Variants in ZZEF1 observed in about 807,000 individuals in gnomAD.
ZZEF1 encodes the protein zinc finger ZZ-type and EF-hand domain containing 1.
ZZEF1 carries 157 observed loss-of-function variants against 342.8 expected under a neutral mutation model. The observed-to-expected ratio is 0.46, with a 90% CI of 0.40 to 0.52. The LOEUF is 0.52. Ranked by LOEUF, ZZEF1 falls within the 20% of genes least tolerant of loss-of-function variation. The pLI, the probability that ZZEF1 is intolerant of heterozygous loss-of-function variation, is 0.00. For missense variants in ZZEF1, 3,480 were observed against 3,725.6 expected (o/e 0.93, Z 1.72); for synonymous variants, 1,505 against 1,429.1 (o/e 1.05, Z -1.20).
chr17:4,061,492 T>C (rs2057285737), intron 30 of ZZEF1, among the ~76,000 whole-genome samples: 1 of 152,138 alleles, frequency 6.6e-6, no homozygotes, highest in African/African-American at 2.4e-5. Context: ...CCAAATTCTA[T>C]CCCTAGTCCT....
chr17:4,050,885 T>A lies in ZZEF1; in HGVS notation c.5759A>T (p.Asp1920Val), dbSNP rs755377536. The A allele has an allele frequency of 6.2e-7, 1 of 1,614,196 alleles. No homozygotes were observed. The highest frequency in any genetic ancestry group is 8.5e-7 in the Non-Finnish European group (1 of 1,180,030). The part of the protein sequence containing the change: ...SAHLASAEDV[D>V]GEKLDPQTRS... ...CGTCTGGGGGTCCAGCTTCTCCCCA[T>A]CCACATCCTCTGCACTGGCCAGGTG... The change falls in exon 36 of 55, where the codon GAT (aspartate) becomes GTT (valine). Residue 1920 changes from aspartate to valine, a missense_variant. By Grantham distance (152) the Asp-to-Val change is radical. Coordinates refer to ENST00000381638, the MANE Select transcript of ZZEF1 (RefSeq NM_015113.4).
At chr17:4,039,505 G>T (rs761518472) in intron 39 of ZZEF1, among the ~76,000 whole-genome samples, 6 of 151,056 alleles carry the variant, frequency 4.0e-5, no homozygotes, top group Non-Finnish European at 7.4e-5. Context: ...AATCCGCCCT[G>T]CATCCAGGAG....
In ZZEF1 at chr17:4,095,987, CAG is replaced by C. The variant is rs779414486; in HGVS notation, c.1765-10_1765-9del. ...AATGCCACCACGTCGAACCTGGAAA[CAG>C]AGATTAGGATGAAGTCTATCAAAGG... On this transcript the variant is annotated splice_polypyrimidine_tract_variant and intron_variant, in intron 10 of 54. Transcript: ENST00000381638. 48 of 1,605,758 alleles carry C rather than the reference CAG, an allele frequency of 3.0e-5. No individual in the cohort carries two copies. Among genetic ancestry groups the C allele is most frequent in the Non-Finnish European group, 4.1e-5 (48 of 1,175,426 alleles).
rs1413955261 is a variant in ZZEF1, at chr17:4,006,789, G to A, written c.*101C>T. ...AACTGGAGTGGTCAGCTCAAGGAGA[G>A]CTGGGCACTGGCGCTACAGGAGTTT... On this transcript the variant is annotated 3_prime_UTR_variant, in exon 55 of 55. Transcript: ENST00000381638. The A allele has an allele frequency of 1.6e-6, 2 of 1,287,704 alleles. No homozygotes were observed. Among genetic ancestry groups the A allele is most frequent in the Non-Finnish European group, 2.2e-6 (2 of 908,508 alleles). The allele number at this position is 1,287,704 out of a possible 1,614,324, so 79.8% of individuals were successfully genotyped here.
Position 4,077,972 on chromosome 17 carries a change from A to T in ZZEF1, c.2900T>A (p.Val967Asp), listed in dbSNP as rs1408189000. The change falls in exon 19 of 55, where the codon GTC becomes GAC. Residue 967 changes from valine to aspartate, a missense_variant. Transcript: ENST00000381638. ...GSVLFSLFWSVQGSLLSWCYL... is the reference protein window; with the variant it reads ...GSVLFSLFWSDQGSLLSWCYL... ...GCACCAGGATAGCAGGCTGCCTTGG[A>T]CGGACCAGAACAGGGAGAAGAGCAC... 6.2e-7 allele frequency: 1 copy of T among 1,614,164 alleles called. No individual in the cohort carries two copies. The highest frequency in any genetic ancestry group is 1.3e-5 in the African/African-American group (1 of 75,044).
chr17:4,102,441 C>A (rs750385267), intron 8 of ZZEF1, 26 bp from the exon 9 acceptor site: 2 of 1,598,922 alleles, frequency 1.3e-6, no homozygotes, highest in East Asian at 4.5e-5. Context: ...GAAGACCAAG[C>A]TGTAAGCTAA....
chr17:4,023,693 T>C (rs1037160756), intron 43 of ZZEF1, among the ~76,000 whole-genome samples: 1 of 146,916 alleles, frequency 6.8e-6, no homozygotes, highest in African/African-American at 2.5e-5. Flanking sequence ...CTGGGCATGA[T>C]AGTGCATGCC....
chr17:4,024,050 T>A (rs9906001), intron 43 of ZZEF1, among the ~76,000 whole-genome samples: 4,459 of 152,200 alleles, frequency 0.029, 233 homozygotes, highest in African/African-American at 0.1. Flanking sequence ...TTCATGGATA[T>A]CCTCTGTTGG....
intron 1 of ZZEF1, 98 bp downstream of exon 1, chr17:4,142,444 C>T: frequency 7.8e-7 from 1 of 1,290,296 alleles, no homozygotes; most frequent in East Asian, 2.6e-5. Flanking sequence ...TCATATGGGT[C>T]CCCGCCTGGC....
rs1183849701 is a variant in ZZEF1 at position 4,022,694 on chromosome 17, C to T, written c.7212+15G>A. 3.1e-6 allele frequency: 5 copies of T among 1,613,308 alleles called. No individual in the cohort carries two copies. The highest frequency in any genetic ancestry group is 1.7e-4 in the Middle Eastern group (1 of 6,026). On this transcript the variant is annotated intron_variant, in intron 44 of 54. Coordinates refer to ENST00000381638, the MANE Select transcript of ZZEF1 (RefSeq NM_015113.4). ...GCACCAGGAAAGAGGAGCAGGAGTCCCTCTCGTCTCTTACTTCCAGGTCCC... is the reference window on the plus strand; with the variant it reads ...GCACCAGGAAAGAGGAGCAGGAGTCTCTCTCGTCTCTTACTTCCAGGTCCC...
chr17:4,006,607 C>G lies in ZZEF1; in HGVS notation c.*283G>C. On this transcript the variant is annotated 3_prime_UTR_variant, in exon 55 of 55. Transcript: ENST00000381638. The stretch of plus-strand genomic sequence containing the variant: ...GGCCCACGGCTCCTGCAGTGACAGC[C>G]TCTGGAGAAGGCTGGTCTCTGAACC... 1 of 461,296 alleles carries G rather than the reference C, an allele frequency of 2.2e-6. No homozygotes were observed. The highest frequency in any genetic ancestry group is 2.2e-5 in the South Asian group (1 of 46,508). 28.6% of individuals were successfully genotyped at this position (461,296 alleles called of 1,614,324 possible).
chr17:4,014,350 G>T lies in ZZEF1; in HGVS notation c.8311C>A (p.Pro2771Thr), dbSNP rs1285827788. The T allele has an allele frequency of 6.2e-7, 1 of 1,614,152 alleles. No individual in the cohort carries two copies. Among genetic ancestry groups the T allele is most frequent in the Non-Finnish European group, 8.5e-7 (1 of 1,180,026 alleles). Residue 2771 changes from proline (P) to threonine (T), a missense_variant, in exon 50 of 55, where the codon CCA becomes ACA. Around this residue, in one of 5 missense-constraint regions of ZZEF1, gnomAD observed 1,269 missense variants for 1,342.4 expected, o/e 0.95. Transcript: ENST00000381638. This position sits in a 1 kb window ranked among gnomAD's most constrained non-coding sequence, Gnocchi z 4.4. ...AATCGAGTATTTGTTTCACTACCTG[G>T]AAGTTCAAAATCTTTCCACTTCTGC... ...SQQKWKDFEL[P>T]GDTLYYRFTS...
At chr17:4,092,860 T>C (rs1252814876) in intron 11 of ZZEF1, among the ~76,000 whole-genome samples, 2 of 151,340 alleles carry the variant, frequency 1.3e-5, no homozygotes, top group Non-Finnish European at 2.9e-5. Flanking sequence ...GTAGGCAAGA[T>C]GGAAGACAGA....
Position 4,142,818 on chromosome 17 carries a change from G to A in ZZEF1, c.78C>T (p.Asp26=), listed in dbSNP as rs1219361093. ...AGGEGWGPHQ[D]WAAVSGTTPG... is the part of the protein sequence containing the mutation. ...GGGTCGTGCCCGAGACCGCGGCCCA[G>A]TCCTGGTGTGGGCCCCAGCCCTCGC... The change falls in exon 1 of 55, where the codon GAC becomes GAT. Residue 26 remains aspartate (D), a synonymous_variant. Transcript: ENST00000381638. The A allele has an allele frequency of 4.3e-6, 6 of 1,410,162 alleles. No homozygotes were observed. The highest frequency in any genetic ancestry group is 5.5e-6 in the Non-Finnish European group (6 of 1,093,684). The allele number at this position is 1,410,162 out of a possible 1,614,324, so 87.4% of individuals were successfully genotyped here.
chr17:4,057,068 C>A (rs999650816), intron 32 of ZZEF1, among the ~76,000 whole-genome samples: 2 of 152,218 alleles, frequency 1.3e-5, no homozygotes, highest in African/African-American at 4.8e-5. Flanking sequence ...TTCATGCATT[C>A]CAACGAAATG....
At chr17:4,131,369 G>A (rs2058659579) in intron 1 of ZZEF1, among the ~76,000 whole-genome samples, 2 of 152,106 alleles carry the variant, frequency 1.3e-5, no homozygotes, top group Non-Finnish European at 2.9e-5. Context: ...TTCTGTTAGA[G>A]GAGATTTAGA....
Position 4,058,096 on chromosome 17 carries a change from C to A in ZZEF1, c.5063G>T (p.Gly1688Val). Residue 1688 changes from glycine (G) to valine (V), a missense_variant, in exon 32 of 55, where the codon GGC becomes GTC. Around this residue, in one of 5 missense-constraint regions of ZZEF1, gnomAD observed 1,528 missense variants for 1,624.1 expected, o/e 0.94. Transcript: ENST00000381638. ...QTALLHLLDM[G>V]WEPNDLAFFV... is the part of the protein sequence containing the mutation. ...GAAGGCGAGATCATTGGGTTCCCAGCCCATATCCAAAAGATGAAGCAGGGC... is the reference window on the plus strand; with the variant it reads ...GAAGGCGAGATCATTGGGTTCCCAGACCATATCCAAAAGATGAAGCAGGGC... 6.2e-7 allele frequency: 1 copy of A among 1,614,060 alleles called. No homozygotes were observed. The highest frequency in any genetic ancestry group is 8.5e-7 in the Non-Finnish European group (1 of 1,179,970).
In ZZEF1 at chr17:4,042,735, G is replaced by T. The variant is rs150924307; in HGVS notation, c.6167-167C>A. ...CTCACTCTGTTGCCCAGGCTGCAGTGCAATGGCACAATCTCGGCTCACTGC... is the reference window on the plus strand; with the variant it reads ...CTCACTCTGTTGCCCAGGCTGCAGTTCAATGGCACAATCTCGGCTCACTGC... On this transcript the variant is annotated intron_variant, in intron 38 of 54. Coordinates refer to ENST00000381638, the MANE Select transcript of ZZEF1 (RefSeq NM_015113.4). Among the ~76,000 whole-genome samples the T allele has an allele frequency of 3.0e-3, 457 of 152,328 alleles. 1 individual carries two copies. Among genetic ancestry groups the T allele is most frequent in the African/African-American group, 0.01 (420 of 41,574 alleles).
chr17:4,025,982 G>C (rs1444688283), intron 42 of ZZEF1, among the ~76,000 whole-genome samples: 1 of 152,198 alleles, frequency 6.6e-6, no homozygotes, highest in Non-Finnish European at 1.5e-5. Context: ...AGAGATCAGA[G>C]TTCAGGGAGG....
Sources: allele counts gnomAD v4.1 joint callset (sites outside exome capture counted in the v4.1 genomes callset), GRCh38; gene constraint gnomAD v4.1.1; regional missense constraint gnomAD v4.1.1; non-coding constraint Gnocchi (gnomAD v3.1); transcripts MANE v1.5; gene names NCBI Gene and HGNC (gene_info 2026-07-23, HGNC 2026-07-21).